Variants in PRKN observed in about 807,000 individuals in gnomAD.
The protein encoded by PRKN is parkin RBR E3 ubiquitin protein ligase.
PRKN carries 56 observed loss-of-function variants against 59.5 expected under a neutral mutation model. The observed-to-expected ratio is 0.94, with a 90% CI of 0.76 to 1.18. The LOEUF (loss-of-function observed/expected upper bound fraction) is 1.18. Among genes scored for constraint, PRKN ranks in the 50% most tolerant of loss-of-function variants. The probability of loss-of-function intolerance (pLI) is 0.00; values close to 1 mark genes in which losing one functional copy is unlikely to be tolerated. For synonymous variants in PRKN, 250 were observed against 222.1 expected (o/e 1.13, Z -1.12); for missense variants, 657 against 596.4 (o/e 1.10, Z -1.06).
intron 5 of PRKN, among the ~76,000 whole-genome samples, chr6:162,027,295 A>G (rs1439950385): frequency 6.8e-6 from 1 of 146,916 alleles, no homozygotes; most frequent in Admixed American, 6.9e-5. Context: ...TTTAACCATG[A>G]TATTAATCTT....
In PRKN at chr6:161,857,190, C is replaced by T. The variant is rs571728690; in HGVS notation, c.735-71282G>A. Reference sequence around the variant, plus strand: ...GTTGCAGTGAGCCAAGATCGAACCACGGAACTCCAGCCTGGGCGACAGAGT... The same window carrying T: ...GTTGCAGTGAGCCAAGATCGAACCATGGAACTCCAGCCTGGGCGACAGAGT... On this transcript the variant is annotated intron_variant, in intron 6 of 11. Coordinates refer to ENST00000366898, the MANE Select transcript of PRKN (RefSeq NM_004562.3). 7.2e-5 allele frequency among the ~76,000 whole-genome samples: 11 copies of T among 152,264 alleles called. No homozygotes were observed. The South Asian group carries it at 8.3e-4, about 11-fold the overall frequency.
intron 2 of PRKN, among the ~76,000 whole-genome samples, chr6:162,365,306 C>T (rs1785376057): frequency 1.3e-5 from 2 of 152,046 alleles, no homozygotes; most frequent in African/African-American, 4.8e-5. Context: ...TCACATTCTT[C>T]CATGTCAGTA....
rs1325888311 is a variant in PRKN, at chr6:161,372,530, G to T, written c.1168-12325C>A. ...TGCCAGGCACTGTCCTGGACCCTGG[G>T]GATACATCCCAGTAAACAAGAGAGA... is the stretch of plus-strand genomic sequence containing the variant. On this transcript the variant is annotated intron_variant, in intron 10 of 11. Coordinates refer to ENST00000366898, the MANE Select transcript of PRKN (RefSeq NM_004562.3). The surrounding 1 kb of genome is among the most constrained non-coding windows in gnomAD (Gnocchi z 4.2). Among the ~76,000 whole-genome samples, 2 of 152,158 alleles carry T rather than the reference G, an allele frequency of 1.3e-5. No individual in the cohort carries two copies. Among genetic ancestry groups the T allele is most frequent in the Non-Finnish European group, 2.9e-5 (2 of 68,028 alleles).
intron 7 of PRKN, among the ~76,000 whole-genome samples, chr6:161,678,210 G>A (rs1432476211): frequency 8.7e-6 from 1 of 115,362 alleles, no homozygotes; most frequent in Non-Finnish European, 1.6e-5. Flanking sequence ...TAACAATACT[G>A]AATCACTTTT....
chr6:162,338,949 G>A (rs1313392316), intron 2 of PRKN, among the ~76,000 whole-genome samples: 4 of 149,522 alleles, frequency 2.7e-5, no homozygotes, highest in East Asian at 2.1e-4. Context: ...CCGCGACCCC[G>A]TCTGGGAGGT....
At position 161,446,049 on chromosome 6, in the gene PRKN, T is replaced by A. The variant is rs1789475493; in HGVS notation, c.1084-59172A>T. On this transcript the variant is annotated intron_variant, in intron 9 of 11. Transcript: ENST00000366898. The surrounding 1 kb of genome is among the most constrained non-coding windows in gnomAD (Gnocchi z 6.2). ...TGAAACCCTGTCTCTATAAAAAATA[T>A]AAAACTTAGCTGGGTGTGGTGGCAC... 7.0e-6 allele frequency among the ~76,000 whole-genome samples: 1 copy of A among 142,496 alleles called. No individual in the cohort carries two copies. Among genetic ancestry groups the A allele is most frequent in the South Asian group, 2.4e-4 (1 of 4,162 alleles). 93.5% of individuals were successfully genotyped at this position (142,496 alleles called of 152,430 possible). A position where few individuals can be genotyped will look rare whatever the true frequency, so the allele number is the denominator to read the frequency against.
At chr6:162,701,734 A>G (rs1157940695) in intron 1 of PRKN, among the ~76,000 whole-genome samples, 1 of 151,800 alleles carries the variant, frequency 6.6e-6, no homozygotes, top group Admixed American at 6.6e-5. Flanking sequence ...AACATTCAAC[A>G]TGTCAATTAT....
rs1371440548 is a variant in PRKN, at chr6:161,419,126, T to C, written c.1084-32249A>G. ...TGTAAGGTCATTAGTGTTCACTAAA[T>C]GCGTAGCTATGCAATGAAAATGGTG... On this transcript the variant is annotated intron_variant, in intron 9 of 11. Transcript: ENST00000366898. The surrounding 1 kb of genome is among the most constrained non-coding windows in gnomAD (Gnocchi z 4.1). 1.3e-5 allele frequency among the ~76,000 whole-genome samples: 2 copies of C among 152,234 alleles called. No homozygotes were observed. Among genetic ancestry groups the C allele is most frequent in the Non-Finnish European group, 2.9e-5 (2 of 68,044 alleles).
At chr6:162,450,245 C>A (rs576822288) in intron 1 of PRKN, among the ~76,000 whole-genome samples, 5 of 152,178 alleles carry the variant, frequency 3.3e-5, no homozygotes, top group Admixed American at 2.0e-4. Context: ...CAGTAAATCC[C>A]CTGTGAATGT....
chr6:162,647,949 C>CAAAAAAAAAAAAAAAAAAAAAAAAAA lies in PRKN; in HGVS notation c.7+79687_7+79712dup, dbSNP rs398003250. Among the ~76,000 whole-genome samples the CAAAAAAAAAAAAAAAAAAAAAAAAAA allele has an allele frequency of 5.3e-5, 4 of 75,650 alleles. 1 individual carries two copies. Among genetic ancestry groups the CAAAAAAAAAAAAAAAAAAAAAAAAAA allele is most frequent in the Non-Finnish European group, 9.5e-5 (4 of 42,122 alleles). 49.6% of individuals were successfully genotyped at this position (75,650 alleles called of 152,430 possible). A position where few individuals can be genotyped will look rare whatever the true frequency, so the allele number is the denominator to read the frequency against. On this transcript the variant is annotated intron_variant, in intron 1 of 11. Transcript: ENST00000366898. ...GAACCATCTCTATATGTCCACAGTGCAAAAAAAAAAAAAAAAAAAAAAAAA... is the reference window on the plus strand; with the variant it reads ...GAACCATCTCTATATGTCCACAGTGCAAAAAAAAAAAAAAAAAAAAAAAAAAAAAAAAAAAAAAAAAAAAAAAAAAA...
chr6:161,909,478 C>T (rs141921141), intron 6 of PRKN, among the ~76,000 whole-genome samples: 6 of 151,790 alleles, frequency 4.0e-5, no homozygotes, highest in Admixed American at 6.6e-5. Context: ...CACTGGAAAA[C>T]GAGAGAGAGC....
chr6:161,756,462 A>C (rs984281915), intron 7 of PRKN, among the ~76,000 whole-genome samples: 1 of 151,466 alleles, frequency 6.6e-6, no homozygotes, highest in Non-Finnish European at 1.5e-5. Context: ...AAAAAAAAAA[A>C]AAAAAAAACA....
intron 5 of PRKN, among the ~76,000 whole-genome samples, chr6:162,030,641 G>A (rs575184349): frequency 6.6e-6 from 1 of 152,244 alleles, no homozygotes; most frequent in East Asian, 1.9e-4. Context: ...CTCAGAATTT[G>A]GGCAGAGGCT....
chr6:162,111,265 A>G (rs935364081), intron 4 of PRKN, among the ~76,000 whole-genome samples: 4 of 152,224 alleles, frequency 2.6e-5, no homozygotes, highest in African/African-American at 9.6e-5. Context: ...GGAGATCGAG[A>G]CCATCCCGGC....
At chr6:161,782,711 T>C (rs994986685) in intron 7 of PRKN, among the ~76,000 whole-genome samples, 2 of 151,988 alleles carry the variant, frequency 1.3e-5, no homozygotes, top group African/African-American at 2.4e-5. Context: ...CTGGTTAACA[T>C]GGCGAAACCC....
At chr6:162,509,406 C>T (rs529475530) in intron 1 of PRKN, among the ~76,000 whole-genome samples, 41 of 152,116 alleles carry the variant, frequency 2.7e-4, no homozygotes, top group Non-Finnish European at 5.0e-4. Context: ...TTTTATGTTG[C>T]CATATTCCCT....
chr6:161,484,197 T>A lies in PRKN; in HGVS notation c.1083+64657A>T, dbSNP rs1791544583. Among the ~76,000 whole-genome samples the A allele has an allele frequency of 6.6e-6, 1 of 151,794 alleles. No homozygotes were observed. Among genetic ancestry groups the A allele is most frequent in the African/African-American group, 2.4e-5 (1 of 41,278 alleles). On this transcript the variant is annotated intron_variant, in intron 9 of 11. Transcript: ENST00000366898. This position sits in a 1 kb window ranked among gnomAD's most constrained non-coding sequence, Gnocchi z 4.9. ...ACTTAAAATGAAAAGTTGAAGAAAA[T>A]TTTAAAAAAAGACCCTGCCTGGCAG...
At chr6:162,663,937 G>T (rs1377512888) in intron 1 of PRKN, among the ~76,000 whole-genome samples, 2 of 151,808 alleles carry the variant, frequency 1.3e-5, no homozygotes, top group African/African-American at 2.4e-5. Context: ...AAAAAAAGGT[G>T]GGGGGATATG....
At chr6:161,988,225 G>A (rs1034010732) in intron 5 of PRKN, among the ~76,000 whole-genome samples, 22 of 152,216 alleles carry the variant, frequency 1.4e-4, no homozygotes, top group African/African-American at 4.8e-4. Context: ...GCTGGGCATG[G>A]TGGCTTATGC....
Sources: allele counts gnomAD v4.1 joint callset (sites outside exome capture counted in the v4.1 genomes callset), GRCh38; gene constraint gnomAD v4.1.1; non-coding constraint Gnocchi (gnomAD v3.1); transcripts MANE v1.5; gene names NCBI Gene and HGNC (gene_info 2026-07-23, HGNC 2026-07-21).